DOP1A: variants seen among roughly 807,000 people sequenced by gnomAD.
DOP1A encodes DOP1 leucine zipper like protein A.
In DOP1A, 90 loss-of-function variants were observed where a neutral mutation model predicts 267.6. That is an observed-to-expected ratio of 0.34 (90% CI 0.28 to 0.40). The LOEUF is 0.40. Among genes scored for constraint, DOP1A ranks in the 10% least tolerant of loss-of-function variants. The probability of loss-of-function intolerance (pLI) is 1.00; values close to 1 mark genes in which losing one functional copy is unlikely to be tolerated. For synonymous variants in DOP1A, 932 were observed against 999.1 expected, an observed-to-expected ratio of 0.93 and a Z score of 1.27; for missense variants, 2,437 against 2,900.4, an observed-to-expected ratio of 0.84 and a Z score of 3.67.
At chr6:83,113,476 A>T in intron 7 of DOP1A, 55 bp downstream of exon 7, 1 of 1,395,254 alleles carries the variant, frequency 7.2e-7, no homozygotes, top group Non-Finnish European at 1.0e-6. Context: ...CTGTAGATTG[A>T]TAATGTGTAG....
rs564211498 is a variant in DOP1A at position 83,164,830 on chromosome 6, G to A, written c.7092+1911G>A. The stretch of plus-strand genomic sequence containing the variant: ...TACAAGGGAGGTAAACAGGAAGGAA[G>A]TCTTTTTTCAAGTGTGGACTGGTGA... On this transcript the variant is annotated intron_variant, in intron 38 of 38. Coordinates refer to ENST00000349129, the MANE Select transcript of DOP1A (RefSeq NM_015018.4). 3.6e-6 allele frequency: 3 copies of A among 833,984 alleles called. No homozygotes were observed. In the East Asian group the frequency reaches 8.3e-5, roughly 23 times the overall value. 51.7% of individuals were successfully genotyped at this position (833,984 alleles called of 1,614,324 possible).
intron 1 of DOP1A, among the ~76,000 whole-genome samples, chr6:83,081,442 A>G (rs1768057175): frequency 6.6e-6 from 1 of 152,152 alleles, no homozygotes; most frequent in Non-Finnish European, 1.5e-5. Flanking sequence ...GGCAACAGTA[A>G]TACACAGTGG....
chr6:83,097,847 TTTATTTTATTTTATTTTA>T (rs1165794541), intron 3 of DOP1A, among the ~76,000 whole-genome samples: 45 of 145,114 alleles, frequency 3.1e-4, no homozygotes, highest in African/African-American at 9.1e-4. Flanking sequence ...CTTATTCTAT[TTTATTTTATTTTATTTTA>T]TTATTTTATT....
chr6:83,129,477 A>G lies in DOP1A; in HGVS notation c.2310A>G (p.Thr770=). 1 of 1,551,986 alleles carries G rather than the reference A, an allele frequency of 6.4e-7. No homozygotes were observed. The highest frequency in any genetic ancestry group is 8.6e-7 in the Non-Finnish European group (1 of 1,157,668). The change falls in exon 16 of 39, where the codon ACA becomes ACG. Residue 770 remains threonine, a synonymous_variant. Coordinates refer to ENST00000349129, the MANE Select transcript of DOP1A (RefSeq NM_015018.4). ...TTTACATTGCTGAGGGGAACCATACATCAGAGTTACGTTCTGAAAAATTGG... is the reference window on the plus strand; with the variant it reads ...TTTACATTGCTGAGGGGAACCATACGTCAGAGTTACGTTCTGAAAAATTGG... The part of the protein sequence containing the change: ...FPVYIAEGNH[T]SELRSEKLET...
Position 83,140,210 on chromosome 6 carries a change from A to G in DOP1A, c.5233-11A>G, listed in dbSNP as rs1258768590. The G allele has an allele frequency of 6.2e-6, 10 of 1,607,094 alleles. No homozygotes were observed. Among genetic ancestry groups the G allele is most frequent in the African/African-American group, 2.7e-5 (2 of 74,804 alleles). Reference sequence around the variant, plus strand: ...TAAGTAATATGTTTCTTTTCCCCCAACTGTTAATAGCTTTTGGTCAGTGTA... The same window carrying G: ...TAAGTAATATGTTTCTTTTCCCCCAGCTGTTAATAGCTTTTGGTCAGTGTA... On this transcript the variant is annotated splice_polypyrimidine_tract_variant and intron_variant, in intron 22 of 38. Transcript: ENST00000349129.
intron 38 of DOP1A, among the ~76,000 whole-genome samples, chr6:83,163,205 AAAG>A (rs1392349330): frequency 6.6e-6 from 1 of 152,208 alleles, no homozygotes; most frequent in African/African-American, 2.4e-5. Flanking sequence ...TCCCCTCAAA[AAAG>A]AAAATAAAAA....
intron 18 of DOP1A, among the ~76,000 whole-genome samples, chr6:83,132,766 T>C (rs1778279957): frequency 6.6e-6 from 1 of 152,176 alleles, no homozygotes; most frequent in Non-Finnish European, 1.5e-5. Context: ...ATATTATTTG[T>C]ATTATTATAC....
intron 6 of DOP1A, 73 bp from the exon 7 acceptor site, chr6:83,113,246 TAAAG>T (rs1260643074): frequency 2.8e-6 from 3 of 1,072,058 alleles, no homozygotes; most frequent in Non-Finnish European, 2.8e-6. Context: ...TTCGAGAAAA[TAAAG>T]AGTTGTCACA....
In DOP1A at chr6:83,138,857, A is replaced by G; in HGVS notation, c.4815A>G (p.Thr1605=). 1.2e-6 allele frequency: 2 copies of G among 1,614,054 alleles called. No homozygotes were observed. Among genetic ancestry groups the G allele is most frequent in the Non-Finnish European group, 1.7e-6 (2 of 1,179,938 alleles). The change falls in exon 21 of 39, where the codon ACA becomes ACG. Residue 1605 remains threonine, a synonymous_variant. Coordinates refer to ENST00000349129, the MANE Select transcript of DOP1A (RefSeq NM_015018.4). ...RVMTIPEENE[T]GFDFVVSDLE... ...TGACTATTCCTGAAGAGAATGAAAC[A>G]GGTTTTGATTTTGTTGTATCTGACT...
intron 1 of DOP1A, among the ~76,000 whole-genome samples, chr6:83,069,560 G>A (rs191712535): frequency 7.9e-5 from 12 of 152,032 alleles, no homozygotes; most frequent in Admixed American, 6.5e-4. Context: ...TTATTTTTTG[G>A]CTGTCATTTT....
In DOP1A at chr6:83,097,067, C is replaced by T; in HGVS notation, c.90C>T (p.Tyr30=). The change falls in exon 3 of 39, where the codon TAC becomes TAT. Residue 30 remains tyrosine (Y), a synonymous_variant. Transcript: ENST00000349129. ...AIDKALKNFE[Y]SSEWADLISA... is the part of the protein sequence containing the mutation. ...ACAAAGCACTAAAGAATTTTGAATA[C>T]TCCAGTGAATGGGCAGATTTGATAT... is the stretch of plus-strand genomic sequence containing the variant. 6.2e-7 allele frequency: 1 copy of T among 1,614,048 alleles called. No individual in the cohort carries two copies. Among genetic ancestry groups the T allele is most frequent in the African/African-American group, 1.3e-5 (1 of 75,036 alleles).
At chr6:83,139,410 A>G (rs1209909473) in intron 21 of DOP1A, among the ~76,000 whole-genome samples, 1 of 152,156 alleles carries the variant, frequency 6.6e-6, no homozygotes, top group East Asian at 1.9e-4. Flanking sequence ...ATTAATTTCA[A>G]TGCTCTTCTC....
rs1781672109 is a variant in DOP1A at position 83,151,502 on chromosome 6, T to C, written c.5838-91T>C. On this transcript the variant is annotated intron_variant, in intron 27 of 38. Transcript: ENST00000349129. ...TATTTAAAATGGAAATCAAGACCAT[T>C]AAGCCGCTTAACTCATCGTGAGAAA... 5.4e-6 allele frequency: 5 copies of C among 926,442 alleles called. No individual in the cohort carries two copies. In the South Asian group the frequency reaches 9.3e-5, roughly 17 times the overall value. 57.4% of individuals were successfully genotyped at this position (926,442 alleles called of 1,614,324 possible). A position where few individuals can be genotyped will look rare whatever the true frequency, so the allele number is the denominator to read the frequency against.
At chr6:83,079,040 T>C (rs1767621985) in intron 1 of DOP1A, among the ~76,000 whole-genome samples, 2 of 152,186 alleles carry the variant, frequency 1.3e-5, no homozygotes, top group Admixed American at 6.5e-5. Flanking sequence ...TATCTTGATA[T>C]CCTCAACATT....
At chr6:83,169,725 G>A (rs1336384142), downstream of DOP1A, 2 of 458,620 alleles carry the variant, frequency 4.4e-6, no homozygotes, top group African/African-American at 2.0e-5. Flanking sequence ...GCTGCCAAAT[G>A]TCTCCTCCTG....
Position 83,162,701 on chromosome 6 carries a change from G to T in DOP1A, c.6963-89G>T, listed in dbSNP as rs1784513023. On this transcript the variant is annotated intron_variant, in intron 37 of 38. Transcript: ENST00000349129. ...CATTTGAATTTTTATAAGCAGTGGG[G>T]TCATGATCTTTCTACTACATTATGT... is the stretch of plus-strand genomic sequence containing the variant. 3.5e-6 allele frequency: 5 copies of T among 1,412,468 alleles called. No homozygotes were observed. The South Asian group carries it at 6.7e-5, about 19-fold the overall frequency. The allele number at this position is 1,412,468 out of a possible 1,614,324, so 87.5% of individuals were successfully genotyped here. A position where few individuals can be genotyped will look rare whatever the true frequency, so the allele number is the denominator to read the frequency against.
At chr6:83,132,365 CCACACACA>C (rs3830927) in intron 18 of DOP1A, 37 bp downstream of exon 18, 8 of 1,405,802 alleles carry the variant, frequency 5.7e-6, no homozygotes, top group Non-Finnish European at 7.8e-6. Flanking sequence ...GCCCCCTCCG[CCACACACA>C]CACACACACA....
downstream of DOP1A, chr6:83,169,063 C>T: frequency 2.1e-6 from 3 of 1,413,050 alleles, no homozygotes; most frequent in Non-Finnish European, 2.8e-6. Flanking sequence ...TAAGGCTTAC[C>T]TATTTATAAA....
chr6:83,105,076 ATGTGT>A (rs1349914475), intron 4 of DOP1A, among the ~76,000 whole-genome samples: 1 of 152,052 alleles, frequency 6.6e-6, no homozygotes, highest in African/African-American at 2.4e-5. Flanking sequence ...GTATGTATGT[ATGTGT>A]TAAGACATAT....
Sources: allele counts gnomAD v4.1 joint callset (sites outside exome capture counted in the v4.1 genomes callset), GRCh38; gene constraint gnomAD v4.1.1; transcripts MANE v1.5; gene names NCBI Gene and HGNC (gene_info 2026-07-23, HGNC 2026-07-21).